Variants in EFNB2 observed in about 807,000 individuals in gnomAD.
EFNB2 encodes the protein ephrin-B2.
Under a neutral mutation model 32.1 loss-of-function variants are expected in EFNB2, and 5 were observed. The observed-to-expected ratio is 0.16, with a 90% CI of 0.08 to 0.33. EFNB2 has a LOEUF of 0.33. Ranked by LOEUF, EFNB2 falls within the 10% of genes least tolerant of loss-of-function variation. EFNB2 has a pLI of 1.00. For missense variants in EFNB2, 263 were observed against 422.6 expected, an observed-to-expected ratio of 0.62 and a Z score of 3.31; for synonymous variants, 168 against 166.5, an observed-to-expected ratio of 1.01 and a Z score of -0.07.
chr13:106,495,490 TCTATCTATTATC>T (rs779881515), intron 3 of EFNB2, among the ~76,000 whole-genome samples: 3 of 141,386 alleles, frequency 2.1e-5, no homozygotes, highest in South Asian at 2.4e-4. Context: ...TATCTATCTA[TCTATCTATTATC>T]TATCTATCTA....
At position 106,523,764 on chromosome 13, in the gene EFNB2, T is replaced by C. The variant is rs1307277416; in HGVS notation, c.123-10952A>G. 2.6e-5 allele frequency among the ~76,000 whole-genome samples: 4 copies of C among 152,290 alleles called. No individual in the cohort carries two copies. In the South Asian group the frequency reaches 6.2e-4, roughly 24 times the overall value. On this transcript the variant is annotated intron_variant, in intron 1 of 4. Coordinates refer to ENST00000646441, the MANE Select transcript of EFNB2 (RefSeq NM_004093.4). ...AAGAAGCCAGAATCCCAGTTTGCTG[T>C]AGAAATAAGCCTGGACTTGATTTGA...
At position 106,493,252 on chromosome 13, in the gene EFNB2, T is replaced by C; in HGVS notation, c.790A>G (p.Thr264Ala). Residue 264 changes from threonine to alanine, a missense_variant, in exon 5 of 5, where the codon ACG (threonine) becomes GCG (alanine). Around this residue, in one of 3 missense-constraint regions of EFNB2, gnomAD observed 172 missense variants for 237.1 expected, o/e 0.73. Coordinates refer to ENST00000646441, the MANE Select transcript of EFNB2 (RefSeq NM_004093.4). The surrounding 1 kb of genome is among the most constrained non-coding windows in gnomAD (Gnocchi z 6.1). ...RRHRKHSPQH[T>A]TTLSLSTLAT... is the part of the protein sequence containing the mutation. ...AGTGTGCTGAGCGACAGCGTGGTCGTGTGCTGCGGCGAGTGCTTCCTGTGT... is the reference window on the plus strand; with the variant it reads ...AGTGTGCTGAGCGACAGCGTGGTCGCGTGCTGCGGCGAGTGCTTCCTGTGT... 6.2e-7 allele frequency: 1 copy of C among 1,614,150 alleles called. No individual in the cohort carries two copies. The highest frequency in any genetic ancestry group is 8.5e-7 in the Non-Finnish European group (1 of 1,180,034).
intron 2 of EFNB2, among the ~76,000 whole-genome samples, chr13:106,507,098 G>T (rs7983579): frequency 0.53 from 80,579 of 151,900 alleles, 21,618 homozygotes; most frequent in Non-Finnish European, 0.57. Context: ...ATGCTTGAAC[G>T]CAGCCATTAT....
rs774111637 is a variant in EFNB2 at position 106,527,317 on chromosome 13, AAATT to A, written c.122+7522_122+7525del. Among the ~76,000 whole-genome samples, 299 of 152,096 alleles carry A rather than the reference AAATT, an allele frequency of 2.0e-3. 2 individuals carry two copies. The highest frequency in any genetic ancestry group is 0.014 in the Middle Eastern group (4 of 294). On this transcript the variant is annotated intron_variant, in intron 1 of 4. Transcript: ENST00000646441. ...ATAAAATAAAAATAATAATATAAAT[AAATT>A]AAGTATGGCAGAACAGCAGTGGTTC... is the stretch of plus-strand genomic sequence containing the variant.
At chr13:106,534,805 CG>C (rs1478671812) in intron 1 of EFNB2, 37 bp downstream of exon 1, 2 of 1,583,480 alleles carry the variant, frequency 1.3e-6, no homozygotes, top group Non-Finnish European at 1.7e-6. Context: ...CGGCGGACCC[CG>C]GGGCGGGGAC....
At chr13:106,534,222 G>A (rs993373729) in intron 1 of EFNB2, among the ~76,000 whole-genome samples, 11 of 152,262 alleles carry the variant, frequency 7.2e-5, no homozygotes, top group African/African-American at 2.6e-4. Flanking sequence ...CCGTCTCCCC[G>A]GCGCGGAGGA....
chr13:106,535,309 G>T lies in EFNB2; in HGVS notation c.-345C>A. 1 of 150,968 alleles carries T rather than the reference G, an allele frequency of 6.6e-6. No individual in the cohort carries two copies. Among genetic ancestry groups the T allele is most frequent in the South Asian group, 1.8e-4 (1 of 5,426 alleles). The allele number at this position is 150,968 out of a possible 1,614,324, so 9.4% of individuals were successfully genotyped here. On this transcript the variant is annotated 5_prime_UTR_variant, in exon 1 of 5. Transcript: ENST00000646441. ...GTGGGCGCGGGGCGGGTGCGGGCTGGGACACAAAGACCCGGAGCGGAGACG... is the reference window on the plus strand; with the variant it reads ...GTGGGCGCGGGGCGGGTGCGGGCTGTGACACAAAGACCCGGAGCGGAGACG...
chr13:106,534,805 C>A, intron 1 of EFNB2, 38 bp downstream of exon 1: 1 of 1,583,482 alleles, frequency 6.3e-7, no homozygotes, highest in Non-Finnish European at 8.6e-7. Flanking sequence ...CGGCGGACCC[C>A]GGGGCGGGGA....
chr13:106,497,744 T>C (rs965985402), intron 2 of EFNB2, among the ~76,000 whole-genome samples: 21 of 152,212 alleles, frequency 1.4e-4, no homozygotes, highest in African/African-American at 4.8e-4. Flanking sequence ...TTCTTCATTC[T>C]GCTCTTTCCC....
chr13:106,512,791 C>A lies in EFNB2; in HGVS notation c.144G>T (p.Leu48=), dbSNP rs201811450. 1.1e-5 allele frequency: 17 copies of A among 1,594,050 alleles called. No individual in the cohort carries two copies. In the African/African-American group the frequency reaches 1.7e-4, roughly 16 times the overall value. Reference sequence around the variant, plus strand: ...TGTCTCCTATCTGTGGGTATAGTACCAGTCCTTGTCCAGGTAGAAATCTAA... The same window carrying A: ...TGTCTCCTATCTGTGGGTATAGTACAAGTCCTTGTCCAGGTAGAAATCTAA... ...SNSKFLPGQG[L]VLYPQIGDKL... is the part of the protein sequence containing the mutation. Residue 48 remains leucine (L), a synonymous_variant, in exon 2 of 5, where the codon CTG becomes CTT. Transcript: ENST00000646441.
At chr13:106,528,492 C>CA (rs1594178753) in intron 1 of EFNB2, among the ~76,000 whole-genome samples, 8 of 150,218 alleles carry the variant, frequency 5.3e-5, no homozygotes, top group South Asian at 2.1e-4. Flanking sequence ...ACAACAACAA[C>CA]AACAAAAAAA....
chr13:106,532,085 T>A (rs1234571222), intron 1 of EFNB2, among the ~76,000 whole-genome samples: 1 of 135,418 alleles, frequency 7.4e-6, no homozygotes, highest in African/African-American at 2.9e-5. Context: ...AAACCAAAAC[T>A]TTAAACAACC....
chr13:106,496,052 C>T (rs1206864031), intron 2 of EFNB2, among the ~76,000 whole-genome samples: 1 of 152,158 alleles, frequency 6.6e-6, no homozygotes. Context: ...CACTGCCGCA[C>T]GTATGCTATC....
At chr13:106,519,757 T>G (rs140675336) in intron 1 of EFNB2, 54 of 152,346 alleles carry the variant, frequency 3.5e-4, no homozygotes, top group African/African-American at 1.2e-3. Flanking sequence ...ATTTTTAGCT[T>G]TCTGTGTTTT....
At chr13:106,508,406 T>C (rs896369183) in intron 2 of EFNB2, among the ~76,000 whole-genome samples, 2 of 152,148 alleles carry the variant, frequency 1.3e-5, no homozygotes, top group Admixed American at 6.5e-5. Context: ...CTACTCTATT[T>C]TTAAGGCAAT....
chr13:106,499,580 T>C lies in EFNB2; in HGVS notation c.407-3740A>G, dbSNP rs1204646267. Among the ~76,000 whole-genome samples, 15 of 152,200 alleles carry C rather than the reference T, an allele frequency of 9.9e-5. No individual in the cohort carries two copies. The East Asian group carries it at 2.9e-3, about 29-fold the overall frequency. ...CTTAGTTTTTCTTTGTATCTTTCTA[T>C]CAGCGTGATCTAATGCAGCCACAAT... On this transcript the variant is annotated intron_variant, in intron 2 of 4. Coordinates refer to ENST00000646441, the MANE Select transcript of EFNB2 (RefSeq NM_004093.4).
At chr13:106,502,705 C>T (rs530122235) in intron 2 of EFNB2, among the ~76,000 whole-genome samples, 17 of 152,290 alleles carry the variant, frequency 1.1e-4, no homozygotes, top group African/African-American at 3.4e-4. Context: ...TCACAGCTTT[C>T]GCATAAAGCC....
At position 106,535,660 on chromosome 13, in the gene EFNB2, A is replaced by T. The variant is rs927683517; in HGVS notation, c.-696T>A. 2 of 150,392 alleles carry T rather than the reference A, an allele frequency of 1.3e-5. No individual in the cohort carries two copies. Among genetic ancestry groups the T allele is most frequent in the Non-Finnish European group, 1.5e-5 (1 of 67,452 alleles). 9.3% of individuals were successfully genotyped at this position (150,392 alleles called of 1,614,324 possible). A position where few individuals can be genotyped will look rare whatever the true frequency, so the allele number is the denominator to read the frequency against. On this transcript the variant is annotated 5_prime_UTR_variant, in exon 1 of 5. Coordinates refer to ENST00000646441, the MANE Select transcript of EFNB2 (RefSeq NM_004093.4). ...GCCGCGGTCCCCGCCGAGGAGAGTC[A>T]GCGCGGCCGCCGCGCTGTCAGAGCG...
chr13:106,502,518 C>CA (rs1032242301), intron 2 of EFNB2, among the ~76,000 whole-genome samples: 31 of 152,234 alleles, frequency 2.0e-4, no homozygotes, highest in African/African-American at 7.0e-4. Context: ...GTTTTGATGA[C>CA]ATATATTACT....
Sources: allele counts gnomAD v4.1 joint callset (sites outside exome capture counted in the v4.1 genomes callset), GRCh38; gene constraint gnomAD v4.1.1; regional missense constraint gnomAD v4.1.1; non-coding constraint Gnocchi (gnomAD v3.1); transcripts MANE v1.5; gene names NCBI Gene and HGNC (gene_info 2026-07-23, HGNC 2026-07-21).